Variants in DOCK1 observed in about 807,000 individuals in gnomAD.
DOCK1 encodes dedicator of cytokinesis protein 1.
A neutral mutation model predicts 262.7 loss-of-function variants in DOCK1; 138 were observed. The observed-to-expected ratio is 0.53, with a 90% CI of 0.46 to 0.61. The LOEUF (loss-of-function observed/expected upper bound fraction) is 0.61. Ranked by LOEUF, DOCK1 falls within the 20% of genes least tolerant of loss-of-function variation. The probability of loss-of-function intolerance (pLI) is 0.00; values close to 1 mark genes in which losing one functional copy is unlikely to be tolerated. For synonymous variants in DOCK1, 866 were observed against 867.4 expected, an observed-to-expected ratio of 1.00 and a Z score of 0.03; for missense variants, 1,908 against 2,370.7, an observed-to-expected ratio of 0.80 and a Z score of 4.05.
chr10:127,293,912 C>T (rs1408542036), intron 29 of DOCK1, among the ~76,000 whole-genome samples: 3 of 152,240 alleles, frequency 2.0e-5, no homozygotes, highest in Admixed American at 6.5e-5. Flanking sequence ...CCACCCAACT[C>T]TCTGCCTCCA....
At chr10:127,338,883 T>C in intron 29 of DOCK1, 123 bp from the exon 30 acceptor site, 1 of 780,766 alleles carries the variant, frequency 1.3e-6, no homozygotes. Context: ...CCTCACAGCT[T>C]TGCGCAAGAC....
At chr10:127,413,815 G>C (rs935931605) in intron 43 of DOCK1, among the ~76,000 whole-genome samples, 1 of 152,212 alleles carries the variant, frequency 6.6e-6, no homozygotes, top group South Asian at 2.1e-4. Flanking sequence ...CGGAGGCCTT[G>C]CCTGTGTCCT....
rs551263873 is a variant in DOCK1 at position 127,281,103 on chromosome 10, A to T, written c.3044+23674A>T. Among the ~76,000 whole-genome samples, 6 of 152,306 alleles carry T rather than the reference A, an allele frequency of 3.9e-5. 1 individual carries two copies. The South Asian group carries it at 1.2e-3, about 32-fold the overall frequency. On this transcript the variant is annotated intron_variant, in intron 29 of 51. Coordinates refer to ENST00000623213, the MANE Select transcript of DOCK1 (RefSeq NM_001290223.2). The stretch of plus-strand genomic sequence containing the variant: ...GGGAGACTTTGCTTCTGTGTTTCCA[A>T]CGTGGCTGGAAGTGGAGGCTCCAGG...
At chr10:127,358,513 C>T (rs1303234649) in intron 32 of DOCK1, among the ~76,000 whole-genome samples, 1 of 152,204 alleles carries the variant, frequency 6.6e-6, no homozygotes. Flanking sequence ...TGTGCCGCCT[C>T]AATTTACATT....
chr10:126,925,769 T>TGTGTGC (rs1285971289), intron 1 of DOCK1, among the ~76,000 whole-genome samples: 9 of 139,520 alleles, frequency 6.5e-5, no homozygotes, highest in Non-Finnish European at 1.1e-4. Context: ...TGTGTGTGTG[T>TGTGTGC]GCGCCTAGGT....
At chr10:127,252,013 G>A (rs1218565004) in intron 28 of DOCK1, among the ~76,000 whole-genome samples, 1 of 151,904 alleles carries the variant, frequency 6.6e-6, no homozygotes, top group Non-Finnish European at 1.5e-5. Flanking sequence ...CAGTGTAAAA[G>A]TGTTCCTATT....
rs1483452942 is a variant in DOCK1, at chr10:127,452,458, T to G, written c.*1031T>G. ...TTTATTCACTATAATCATGATACTC[T>G]TCTAATAGACTTAAAAGTTAATCAT... On this transcript the variant is annotated 3_prime_UTR_variant, in exon 52 of 52. Coordinates refer to ENST00000623213, the MANE Select transcript of DOCK1 (RefSeq NM_001290223.2). 2 of 152,658 alleles carry G rather than the reference T, an allele frequency of 1.3e-5. No individual in the cohort carries two copies. Among genetic ancestry groups the G allele is most frequent in the African/African-American group, 4.8e-5 (2 of 41,474 alleles). The allele number at this position is 152,658 out of a possible 1,614,324, so 9.5% of individuals were successfully genotyped here.
chr10:127,286,801 T>C (rs949791048), intron 29 of DOCK1, among the ~76,000 whole-genome samples: 12 of 152,164 alleles, frequency 7.9e-5, no homozygotes, highest in African/African-American at 2.9e-4. Context: ...GGTAAAAATA[T>C]TGCCTTTGGT....
In DOCK1 at chr10:127,247,580, ATT is replaced by A. The variant is rs2059474966; in HGVS notation, c.2848-426_2848-425del. Among the ~76,000 whole-genome samples the A allele has an allele frequency of 2.0e-5, 3 of 152,242 alleles. No homozygotes were observed. The South Asian group carries it at 6.2e-4, about 32-fold the overall frequency. ...TCCATCCTGTCTTTAATTTTCTTGT[ATT>A]TAATGCAAAAGTATTTCAAGCTTAT... On this transcript the variant is annotated intron_variant, in intron 27 of 51. Coordinates refer to ENST00000623213, the MANE Select transcript of DOCK1 (RefSeq NM_001290223.2).
intron 25 of DOCK1, among the ~76,000 whole-genome samples, chr10:127,123,730 G>T (rs1361422602): frequency 6.6e-6 from 1 of 152,056 alleles, no homozygotes; most frequent in Non-Finnish European, 1.5e-5. Flanking sequence ...TTTGTTCTCG[G>T]GTGGCTCTAA....
chr10:127,373,499 T>C (rs111762949), intron 33 of DOCK1, among the ~76,000 whole-genome samples: 153 of 151,654 alleles, frequency 1.0e-3, no homozygotes, highest in African/African-American at 3.6e-3. Flanking sequence ...TTTTTCCCCC[T>C]ATGGTTTCCT....
At chr10:127,439,285 C>T (rs2134718000) in intron 49 of DOCK1, 60 bp downstream of exon 49, 1 of 1,527,562 alleles carries the variant, frequency 6.5e-7, no homozygotes, top group Non-Finnish European at 8.9e-7. Context: ...ACCTTTGCCC[C>T]ACCTGTAGCC....
At chr10:126,907,236 A>G (rs2031039219) in intron 1 of DOCK1, among the ~76,000 whole-genome samples, 1 of 152,166 alleles carries the variant, frequency 6.6e-6, no homozygotes, top group African/African-American at 2.4e-5. Context: ...ACTGACTCCC[A>G]GGGAACCTAG....
chr10:126,955,022 G>A (rs2036617906), intron 1 of DOCK1, among the ~76,000 whole-genome samples: 1 of 152,196 alleles, frequency 6.6e-6, no homozygotes, highest in African/African-American at 2.4e-5. Flanking sequence ...ACATTCCTGT[G>A]ACCAGTGCAC....
intron 27 of DOCK1, among the ~76,000 whole-genome samples, chr10:127,192,053 TATG>T (rs1301317595): frequency 1.3e-5 from 2 of 152,230 alleles, no homozygotes; most frequent in Non-Finnish European, 2.9e-5. Context: ...AGCATTTTGA[TATG>T]GTGGGGTTTT....
At chr10:127,110,881 T>C (rs2489403) in intron 25 of DOCK1, among the ~76,000 whole-genome samples, 43,144 of 152,132 alleles carry the variant, frequency 0.28, 9,959 homozygotes, top group African/African-American at 0.64. Flanking sequence ...TAATCATTTT[T>C]TTTCTATTTG....
At chr10:127,116,872 T>G (rs565940244) in intron 25 of DOCK1, among the ~76,000 whole-genome samples, 2 of 152,348 alleles carry the variant, frequency 1.3e-5, no homozygotes, top group African/African-American at 2.4e-5. Flanking sequence ...TGATGACTTC[T>G]GATGAACGGT....
chr10:127,450,377 C>T (rs931956306), intron 51 of DOCK1, among the ~76,000 whole-genome samples: 2 of 152,214 alleles, frequency 1.3e-5, no homozygotes, highest in African/African-American at 2.4e-5. Context: ...TTAAGTTAGA[C>T]GATAGTGTTC....
chr10:127,212,056 T>C (rs1038532610), intron 27 of DOCK1, among the ~76,000 whole-genome samples: 7 of 152,228 alleles, frequency 4.6e-5, no homozygotes, highest in African/African-American at 1.7e-4. Flanking sequence ...AATAAGCATA[T>C]ATTACAAAAT....
Sources: gnomAD v4.1 joint callset for allele counts (sites outside exome capture counted in the v4.1 genomes callset) on GRCh38, gnomAD v4.1.1 for gene constraint, MANE v1.5 for transcripts, NCBI Gene and HGNC (gene_info 2026-07-23, HGNC 2026-07-21) for gene names.